The following PLXNA4 variants were observed in gnomAD, a reference collection of about 807,000 sequenced individuals.
PLXNA4 encodes the protein plexin-A4.
Under a neutral mutation model 191.8 loss-of-function variants are expected in PLXNA4, and 44 were observed. That is an observed-to-expected ratio of 0.23 (90% CI 0.18 to 0.29). The LOEUF is 0.29. Ranked by LOEUF, PLXNA4 falls within the 10% of genes least tolerant of loss-of-function variation. PLXNA4 has a pLI of 1.00. For synonymous variants in PLXNA4, 1,082 were observed against 1,009.5 expected (o/e 1.07, Z -1.36); for missense variants, 1,800 against 2,488.8 (o/e 0.72, Z 5.89).
chr7:132,349,343 G>A (rs1438603081), intron 3 of PLXNA4, among the ~76,000 whole-genome samples: 2 of 152,100 alleles, frequency 1.3e-5, no homozygotes, highest in Non-Finnish European at 2.9e-5. Context: ...GAGCAACTGG[G>A]TCCAGCCAAA....
At chr7:132,492,102 C>A (rs1415793202) in intron 2 of PLXNA4, among the ~76,000 whole-genome samples, 2 of 152,182 alleles carry the variant, frequency 1.3e-5, no homozygotes, top group Non-Finnish European at 2.9e-5. Context: ...CTCTGTACAT[C>A]ACCCATTATG....
intron 3 of PLXNA4, among the ~76,000 whole-genome samples, chr7:132,483,386 C>T (rs368980132): frequency 2.0e-5 from 3 of 152,306 alleles, no homozygotes; most frequent in East Asian, 3.9e-4. Flanking sequence ...CTTGCCTCTG[C>T]CTCCTCCCTC....
At chr7:132,612,499 TGA>T in intron 2 of PLXNA4, among the ~76,000 whole-genome samples, 1 of 151,698 alleles carries the variant, frequency 6.6e-6, no homozygotes, top group Non-Finnish European at 1.5e-5. Flanking sequence ...CCATCTCTAC[TGA>T]AAAAATACAA....
chr7:132,197,110 A>G (rs773092276), intron 13 of PLXNA4, among the ~76,000 whole-genome samples: 1 of 152,160 alleles, frequency 6.6e-6, no homozygotes, highest in Non-Finnish European at 1.5e-5. Context: ...TGTTGCTGTT[A>G]TACTTCGCAC....
chr7:132,365,001 C>T (rs1804098006), intron 3 of PLXNA4, among the ~76,000 whole-genome samples: 1 of 152,190 alleles, frequency 6.6e-6, no homozygotes, highest in African/African-American at 2.4e-5. Context: ...AGATGTCCCC[C>T]TCCCTGGGGA....
At chr7:132,142,886 C>T (rs1179633305) in intron 29 of PLXNA4, among the ~76,000 whole-genome samples, 1 of 152,220 alleles carries the variant, frequency 6.6e-6, no homozygotes, top group Non-Finnish European at 1.5e-5. Flanking sequence ...ATTTGCTCTG[C>T]CGGTTGTTTC....
intron 2 of PLXNA4, among the ~76,000 whole-genome samples, chr7:132,505,243 TC>T (rs1000275261): frequency 2.1e-4 from 32 of 152,224 alleles, no homozygotes; most frequent in Non-Finnish European, 3.5e-4. Context: ...CTCTATTCTC[TC>T]CAAGGCTACC....
intron 25 of PLXNA4, among the ~76,000 whole-genome samples, chr7:132,150,365 C>T (rs1759926780): frequency 6.6e-6 from 1 of 152,216 alleles, no homozygotes; most frequent in Non-Finnish European, 1.5e-5. Context: ...TCTCTCCAAG[C>T]TGGCCAGACA....
chr7:132,462,868 G>A (rs1400595865), intron 3 of PLXNA4, among the ~76,000 whole-genome samples: 17 of 126,102 alleles, frequency 1.3e-4, no homozygotes, highest in Admixed American at 3.5e-4. Flanking sequence ...TTTGTGAGGG[G>A]GACCGAGTTT....
At chr7:132,365,562 T>G (rs898894763) in intron 3 of PLXNA4, among the ~76,000 whole-genome samples, 3 of 152,112 alleles carry the variant, frequency 2.0e-5, no homozygotes, top group African/African-American at 7.2e-5. Context: ...ATTCCGGAAC[T>G]GTGGCTGATG....
intron 1 of PLXNA4, among the ~76,000 whole-genome samples, chr7:132,547,117 T>C (rs1437003099): frequency 6.6e-6 from 1 of 152,140 alleles, no homozygotes; most frequent in Non-Finnish European, 1.5e-5. Context: ...CAGAGAGAAT[T>C]TAAAGTGAAA....
intron 2 of PLXNA4, among the ~76,000 whole-genome samples, chr7:132,634,282 A>T (rs1335603038): frequency 1.3e-5 from 2 of 152,180 alleles, no homozygotes; most frequent in East Asian, 3.9e-4. Flanking sequence ...TTTTACAAAC[A>T]GTAGCAGTTC....
chr7:132,511,456 T>C (rs569891168), intron 1 of PLXNA4, among the ~76,000 whole-genome samples: 2 of 152,332 alleles, frequency 1.3e-5, no homozygotes, highest in South Asian at 4.1e-4. Flanking sequence ...TTAACTCATG[T>C]AAGCCCCAAA....
At chr7:132,164,613 G>A (rs777399030) in intron 23 of PLXNA4, among the ~76,000 whole-genome samples, 16 of 113,654 alleles carry the variant, frequency 1.4e-4, no homozygotes, top group Non-Finnish European at 2.3e-4. Context: ...ACCTCACCCC[G>A]CTCTCTCAGA....
At chr7:132,312,288 T>C (rs892947460) in intron 3 of PLXNA4, among the ~76,000 whole-genome samples, 3 of 152,122 alleles carry the variant, frequency 2.0e-5, no homozygotes, top group African/African-American at 7.2e-5. Flanking sequence ...CCACAGTTAT[T>C]ACAATTATTT....
intron 4 of PLXNA4, among the ~76,000 whole-genome samples, chr7:132,255,057 T>G (rs1056499588): frequency 6.6e-6 from 1 of 152,134 alleles, no homozygotes; most frequent in Non-Finnish European, 1.5e-5. Context: ...AGGCCTCTGC[T>G]ACAGCAACAG....
chr7:132,420,200 A>G (rs1794802885), intron 3 of PLXNA4, among the ~76,000 whole-genome samples: 1 of 152,164 alleles, frequency 6.6e-6, no homozygotes, highest in Non-Finnish European at 1.5e-5. Flanking sequence ...CATGAATTCT[A>G]ATGTATTTAA....
intron 1 of PLXNA4, among the ~76,000 whole-genome samples, chr7:132,563,185 TTCCTCC>T (rs147356182): frequency 3.3e-5 from 1 of 30,038 alleles, no homozygotes; most frequent in African/African-American, 1.1e-4. Flanking sequence ...CTCCTTCTCC[TTCCTCC>T]TCCTCCTCTT....
At chr7:132,403,109 C>T (rs1454341492) in intron 3 of PLXNA4, among the ~76,000 whole-genome samples, 1 of 152,188 alleles carries the variant, frequency 6.6e-6, no homozygotes. Flanking sequence ...TGCCAACATC[C>T]CAGGAGGCAG....
Sources: allele counts gnomAD v4.1 joint callset (sites outside exome capture counted in the v4.1 genomes callset), GRCh38; gene constraint gnomAD v4.1.1; transcripts MANE v1.5; gene names NCBI Gene and HGNC (gene_info 2026-07-23, HGNC 2026-07-21).